Variants in MAST4 observed in about 807,000 individuals in gnomAD.
The protein encoded by MAST4 is microtubule associated serine/threonine kinase family member 4, also known as microtubule-associated serine/threonine-protein kinase 4.
Under a neutral mutation model 162.7 loss-of-function variants are expected in MAST4, and 89 were observed. The ratio of observed to expected loss-of-function variants is 0.55; its 90% CI spans 0.46 to 0.65. The LOEUF (loss-of-function observed/expected upper bound fraction) is 0.65. Among genes scored for constraint, MAST4 ranks in the 30% least tolerant of loss-of-function variants. MAST4 has a pLI of 0.00. For missense variants in MAST4, 3,153 were observed against 3,374.0 expected, an observed-to-expected ratio of 0.93 and a Z score of 1.62; for synonymous variants, 1,479 against 1,361.1, an observed-to-expected ratio of 1.09 and a Z score of -1.91.
rs370299845 is a variant in MAST4 at position 67,163,760 on chromosome 5, G to A, written c.4581G>A (p.Leu1527=). 1 of 1,610,172 alleles carries A rather than the reference G, an allele frequency of 6.2e-7. No individual in the cohort carries two copies. Among genetic ancestry groups the A allele is most frequent in the African/African-American group, 1.3e-5 (1 of 75,008 alleles). Reference sequence around the variant, plus strand: ...GCCGCCAGGAGTCTGTGGACGACCTGGACCGCGACAAGCTGAAGGCCAAGG... The same window carrying A: ...GCCGCCAGGAGTCTGTGGACGACCTAGACCGCGACAAGCTGAAGGCCAAGG... ...KVGRQESVDD[L]DRDKLKAKVV... Residue 1527 remains leucine (L), a synonymous_variant, in exon 29 of 29, where the codon CTG becomes CTA. Transcript: ENST00000403625. This position sits in a 1 kb window ranked among gnomAD's most constrained non-coding sequence, Gnocchi z 7.0.
chr5:66,847,843 A>AAAAC (rs1491394087), intron 3 of MAST4, among the ~76,000 whole-genome samples: 1 of 150,316 alleles, frequency 6.7e-6, no homozygotes, highest in Admixed American at 6.6e-5. Context: ...AAAAAAAAAA[A>AAAAC]GAAAAACCTT....
At chr5:66,957,779 G>A (rs1745498547) in intron 4 of MAST4, among the ~76,000 whole-genome samples, 1 of 152,198 alleles carries the variant, frequency 6.6e-6, no homozygotes, top group African/African-American at 2.4e-5. Context: ...GAAGGGCACA[G>A]AGCTGAGGGA....
At position 67,108,680 on chromosome 5, in the gene MAST4, T is replaced by A. The variant is rs1765870140; in HGVS notation, c.1357-1418T>A. Among the ~76,000 whole-genome samples, 3 of 152,164 alleles carry A rather than the reference T, an allele frequency of 2.0e-5. No individual in the cohort carries two copies. The South Asian group carries it at 6.2e-4, about 31-fold the overall frequency. ...ATGTCAAAAGTTAACTGTTTTACTT[T>A]TGCCTGTATATGGTTTTTGTACCTG... On this transcript the variant is annotated intron_variant, in intron 10 of 28. Coordinates refer to ENST00000403625, the MANE Select transcript of MAST4 (RefSeq NM_001164664.2).
intron 3 of MAST4, among the ~76,000 whole-genome samples, chr5:66,822,988 C>G (rs1393483001): frequency 6.6e-6 from 1 of 152,102 alleles, no homozygotes; most frequent in Non-Finnish European, 1.5e-5. Flanking sequence ...CCCCATGTGT[C>G]AAGGGAGAGA....
intron 1 of MAST4, among the ~76,000 whole-genome samples, chr5:66,740,013 G>C (rs1752396450): frequency 6.6e-6 from 1 of 152,150 alleles, no homozygotes; most frequent in Non-Finnish European, 1.5e-5. Context: ...TTTGTCTTGG[G>C]AATGTTGGGA....
chr5:67,130,780 GAAAT>G (rs902349760), intron 15 of MAST4, among the ~76,000 whole-genome samples: 4 of 152,028 alleles, frequency 2.6e-5, no homozygotes, highest in African/African-American at 9.7e-5. Flanking sequence ...CTTACAGAAA[GAAAT>G]ATATATTCTT....
chr5:66,633,146 G>T (rs964703146), intron 1 of MAST4, among the ~76,000 whole-genome samples: 2 of 152,170 alleles, frequency 1.3e-5, no homozygotes, highest in Non-Finnish European at 2.9e-5. Context: ...ACCCCAGTTT[G>T]AGAGTCTGAT....
chr5:66,702,256 G>C (rs918222902), intron 1 of MAST4, among the ~76,000 whole-genome samples: 2 of 152,124 alleles, frequency 1.3e-5, no homozygotes, highest in African/African-American at 4.8e-5. Context: ...CTGCCATGGG[G>C]TTCACTCTTG....
chr5:66,884,808 G>A (rs1200558186), intron 3 of MAST4, among the ~76,000 whole-genome samples: 3 of 152,346 alleles, frequency 2.0e-5, no homozygotes, highest in African/African-American at 7.2e-5. Flanking sequence ...TTCTTTCCAT[G>A]TGTTCCTTGG....
At chr5:66,945,471 C>T (rs990608213) in intron 4 of MAST4, among the ~76,000 whole-genome samples, 3 of 152,132 alleles carry the variant, frequency 2.0e-5, no homozygotes, top group Non-Finnish European at 2.9e-5. Context: ...TCTTCAGATT[C>T]ATCCAGAACG....
At chr5:67,056,185 T>C (rs1337524614) in intron 5 of MAST4, among the ~76,000 whole-genome samples, 2 of 152,052 alleles carry the variant, frequency 1.3e-5, no homozygotes, top group Admixed American at 6.6e-5. Context: ...GGGATATAAT[T>C]AGGGAGCGGG....
intron 1 of MAST4, among the ~76,000 whole-genome samples, chr5:66,671,128 T>C (rs1747584301): frequency 6.6e-6 from 1 of 152,354 alleles, no homozygotes; most frequent in Admixed American, 6.5e-5. Context: ...ACAGTTTTTG[T>C]ATTTTTTTAA....
At chr5:67,145,039 G>T in intron 22 of MAST4, 105 bp from the exon 23 acceptor site, 1 of 1,026,990 alleles carries the variant, frequency 9.7e-7, no homozygotes, top group Non-Finnish European at 1.5e-6. Context: ...GACATCTCTT[G>T]GTTAGGCTTA....
chr5:67,053,995 T>A (rs1247208803), intron 4 of MAST4, among the ~76,000 whole-genome samples: 1 of 152,366 alleles, frequency 6.6e-6, no homozygotes, highest in East Asian at 1.9e-4. Context: ...TTTTAATTAG[T>A]GCGTCATTAT....
chr5:67,008,588 T>C (rs111954603), intron 4 of MAST4, among the ~76,000 whole-genome samples: 2 of 152,220 alleles, frequency 1.3e-5, no homozygotes, highest in Non-Finnish European at 2.9e-5. Context: ...TTTAGAAATC[T>C]GTCATGTTTT....
At chr5:66,920,029 G>A (rs1764428476) in intron 4 of MAST4, among the ~76,000 whole-genome samples, 1 of 150,328 alleles carries the variant, frequency 6.7e-6, no homozygotes. Context: ...TTTTAATGAT[G>A]TGTGGAAGTT....
intron 3 of MAST4, among the ~76,000 whole-genome samples, chr5:66,813,256 T>C (rs1756560986): frequency 6.6e-6 from 1 of 152,228 alleles, no homozygotes; most frequent in African/African-American, 2.4e-5. Flanking sequence ...ACAAAATATG[T>C]ATCGCAATTA....
At position 67,166,928 on chromosome 5, in the gene MAST4, C is replaced by T. The variant is rs767975267; in HGVS notation, c.7749C>T (p.Thr2583=). The change falls in exon 29 of 29, where the codon ACC becomes ACT. Residue 2583 remains threonine (T), a synonymous_variant. Coordinates refer to ENST00000403625, the MANE Select transcript of MAST4 (RefSeq NM_001164664.2). ...ARKQNVGRDV[T]KPSPAPNTDR... ...AACAGAACGTGGGCAGAGACGTGAC[C>T]AAGCCATCCCCAGCCCCAAACACTG... 1 of 1,611,832 alleles carries T rather than the reference C, an allele frequency of 6.2e-7. No homozygotes were observed. The highest frequency in any genetic ancestry group is 1.7e-5 in the Admixed American group (1 of 59,828).
chr5:67,135,222 C>T (rs937276708), intron 18 of MAST4, among the ~76,000 whole-genome samples: 8 of 152,108 alleles, frequency 5.3e-5, no homozygotes, highest in African/African-American at 1.4e-4. Flanking sequence ...GTTGTTATGG[C>T]GTAATGTTAT....
Sources: gnomAD v4.1 joint callset for allele counts (sites outside exome capture counted in the v4.1 genomes callset) on GRCh38, gnomAD v4.1.1 for gene constraint, Gnocchi (gnomAD v3.1) non-coding constraint, MANE v1.5 for transcripts, NCBI Gene and HGNC (gene_info 2026-07-23, HGNC 2026-07-21) for gene names.